AGO3: variants seen among roughly 807,000 people sequenced by gnomAD.
AGO3 encodes the protein argonaute RISC catalytic component 3.
A neutral mutation model predicts 105.5 loss-of-function variants in AGO3; 16 were observed. The ratio of observed to expected loss-of-function variants is 0.15; its 90% CI spans 0.10 to 0.23. The LOEUF (loss-of-function observed/expected upper bound fraction) is 0.23, where lower values mean the gene tolerates loss of function less well. AGO3 is among the 10% of genes least tolerant of loss of function. The pLI, the probability that AGO3 is intolerant of heterozygous loss-of-function variation, is 1.00. For synonymous variants in AGO3, 340 were observed against 367.3 expected (o/e 0.93, Z 0.85); for missense variants, 534 against 1,088.0 (o/e 0.49, Z 7.16).
At position 36,014,249 on chromosome 1, in the gene AGO3, C is replaced by G. The variant is rs191544133; in HGVS notation, c.1406+201C>G. Among the ~76,000 whole-genome samples the G allele has an allele frequency of 6.7e-3, 1,017 of 151,974 alleles. 8 individuals carry two copies. The highest frequency in any genetic ancestry group is 0.023 in the African/African-American group (965 of 41,472). Reference sequence around the variant, plus strand: ...TCCCAGCTCACTGCAACCTCCACCTCCCAGGCTCAAGCAATTCTCCTGCCT... The same window carrying G: ...TCCCAGCTCACTGCAACCTCCACCTGCCAGGCTCAAGCAATTCTCCTGCCT... On this transcript the variant is annotated intron_variant, in intron 11 of 18. Transcript: ENST00000373191.
At chr1:35,979,834 A>G (rs1647020034) in intron 5 of AGO3, among the ~76,000 whole-genome samples, 1 of 151,950 alleles carries the variant, frequency 6.6e-6, no homozygotes, top group Admixed American at 6.6e-5. Context: ...TTTCAGGTAT[A>G]TCTTGATGAC....
chr1:35,934,078 A>G (rs115413630), intron 1 of AGO3, among the ~76,000 whole-genome samples: 10 of 152,212 alleles, frequency 6.6e-5, no homozygotes, highest in Admixed American at 2.0e-4. Flanking sequence ...GTTGGGGAAC[A>G]TCTGATGAAA....
chr1:36,061,860 G>A lies in AGO3; in HGVS notation c.*6115G>A, dbSNP rs191778799. The A allele has an allele frequency of 6.6e-6, 1 of 152,214 alleles. No homozygotes were observed. The allele number at this position is 152,214 out of a possible 1,614,324, so 9.4% of individuals were successfully genotyped here. On this transcript the variant is annotated 3_prime_UTR_variant, in exon 19 of 19. Coordinates refer to ENST00000373191, the MANE Select transcript of AGO3 (RefSeq NM_024852.4). Reference sequence around the variant, plus strand: ...GATAAATTATTTTAGAACTCCAAGAGTGTGACAGTTTCATAAAAATAATGT... The same window carrying A: ...GATAAATTATTTTAGAACTCCAAGAATGTGACAGTTTCATAAAAATAATGT...
intron 2 of AGO3, among the ~76,000 whole-genome samples, chr1:35,952,142 TTCTTTC>T (rs1263817165): frequency 0.12 from 12,793 of 109,172 alleles, 2,021 homozygotes; most frequent in East Asian, 0.66. Flanking sequence ...CTTTCTTTCT[TTCTTTC>T]TTTTTTTTTT....
chr1:35,946,754 CTAAAA>C (rs1172184819), intron 2 of AGO3, among the ~76,000 whole-genome samples: 1 of 152,118 alleles, frequency 6.6e-6, no homozygotes, highest in Non-Finnish European at 1.5e-5. Flanking sequence ...TGAATGAGCA[CTAAAA>C]GACTTTGTGA....
intron 5 of AGO3, among the ~76,000 whole-genome samples, chr1:35,998,340 C>G (rs1033253224): frequency 6.6e-6 from 1 of 152,098 alleles, no homozygotes. Context: ...TTTACTCTTA[C>G]AAATAATGCT....
intron 1 of AGO3, among the ~76,000 whole-genome samples, chr1:35,934,758 C>G (rs1646118491): frequency 6.6e-6 from 1 of 151,990 alleles, no homozygotes; most frequent in African/African-American, 2.4e-5. Context: ...TCAAGTGATT[C>G]TCTTGTCTCA....
At chr1:36,020,265 G>A (rs997252646) in intron 11 of AGO3, among the ~76,000 whole-genome samples, 5 of 152,182 alleles carry the variant, frequency 3.3e-5, no homozygotes, top group African/African-American at 1.2e-4. Flanking sequence ...CTGTTTATTA[G>A]ATGGGTTATC....
At chr1:35,964,386 T>G (rs1274083571) in intron 2 of AGO3, among the ~76,000 whole-genome samples, 1 of 152,176 alleles carries the variant, frequency 6.6e-6, no homozygotes, top group African/African-American at 2.4e-5. Context: ...TATTTGGGTT[T>G]CTATTCCTGT....
chr1:35,951,527 T>A (rs1646469787), intron 2 of AGO3, among the ~76,000 whole-genome samples: 1 of 151,994 alleles, frequency 6.6e-6, no homozygotes, highest in Non-Finnish European at 1.5e-5. Flanking sequence ...GCATCCTGAG[T>A]AGCTGAGACC....
chr1:35,977,319 C>A (rs1646972119), intron 5 of AGO3, among the ~76,000 whole-genome samples: 1 of 146,278 alleles, frequency 6.8e-6, no homozygotes, highest in Admixed American at 7.0e-5. Flanking sequence ...TCACATTTTA[C>A]TGGAAAATTA....
At chr1:35,972,403 A>G (rs1041757253) in intron 4 of AGO3, among the ~76,000 whole-genome samples, 171 bp downstream of exon 4, 2 of 152,208 alleles carry the variant, frequency 1.3e-5, no homozygotes, top group Non-Finnish European at 2.9e-5. Flanking sequence ...ACAGAAAATT[A>G]TCTGGCTTTT....
chr1:36,042,666 G>A (rs1350310779), intron 16 of AGO3, among the ~76,000 whole-genome samples: 1 of 152,156 alleles, frequency 6.6e-6, no homozygotes, highest in Non-Finnish European at 1.5e-5. Flanking sequence ...TTGGGATAAG[G>A]CGGTGGAGGT....
intron 8 of AGO3, 51 bp downstream of exon 8, chr1:36,009,095 G>A (rs1415828754): frequency 7.2e-7 from 1 of 1,387,652 alleles, no homozygotes. Context: ...GATTCTTTTG[G>A]GGTCTTTTAT....
intron 5 of AGO3, among the ~76,000 whole-genome samples, chr1:35,981,164 T>C (rs771995989): frequency 2.6e-5 from 4 of 152,198 alleles, no homozygotes; most frequent in Non-Finnish European, 4.4e-5. Flanking sequence ...CTCTGCTTTG[T>C]GATGATATTG....
chr1:36,035,045 G>A (rs2148843822), intron 13 of AGO3, among the ~76,000 whole-genome samples: 1 of 152,212 alleles, frequency 6.6e-6, no homozygotes, highest in Non-Finnish European at 1.5e-5. Flanking sequence ...CCTCAAAAAA[G>A]TTAACTGTAC....
intron 1 of AGO3, among the ~76,000 whole-genome samples, chr1:35,933,889 A>G (rs1207999078): frequency 6.6e-6 from 1 of 152,144 alleles, no homozygotes; most frequent in East Asian, 1.9e-4. Flanking sequence ...GGGAACCTCG[A>G]ACACAAATAC....
chr1:35,988,319 A>C (rs932818099), intron 5 of AGO3, among the ~76,000 whole-genome samples: 8 of 152,110 alleles, frequency 5.3e-5, no homozygotes, highest in Non-Finnish European at 1.2e-4. Context: ...CATGAAATTT[A>C]CTCTCAGCGT....
chr1:35,949,994 G>A (rs570178720), intron 2 of AGO3, among the ~76,000 whole-genome samples: 1 of 152,240 alleles, frequency 6.6e-6, no homozygotes, highest in African/African-American at 2.4e-5. Context: ...AGGCTGAGGC[G>A]AGTGGATCAC....
Sources: gnomAD v4.1 joint callset for allele counts (sites outside exome capture counted in the v4.1 genomes callset) on GRCh38, gnomAD v4.1.1 for gene constraint, MANE v1.5 for transcripts, NCBI Gene and HGNC (gene_info 2026-07-23, HGNC 2026-07-21) for gene names.